Variants in GALNTL6 observed in about 807,000 individuals in gnomAD.
The protein encoded by GALNTL6 is polypeptide N-acetylgalactosaminyltransferase-like 6.
In GALNTL6, 46 loss-of-function variants were observed where a neutral mutation model predicts 73.7. The observed-to-expected ratio is 0.62, with a 90% CI of 0.49 to 0.80. GALNTL6 has a LOEUF of 0.80. GALNTL6 is among the 30% of genes least tolerant of loss of function. The pLI, the probability that GALNTL6 is intolerant of heterozygous loss-of-function variation, is 0.00. For synonymous variants in GALNTL6, 259 were observed against 263.7 expected, an observed-to-expected ratio of 0.98 and a Z score of 0.17; for missense variants, 604 against 755.0, an observed-to-expected ratio of 0.80 and a Z score of 2.34.
chr4:171,854,390 G>A (rs556291250), intron 2 of GALNTL6, among the ~76,000 whole-genome samples: 8 of 152,258 alleles, frequency 5.3e-5, no homozygotes, highest in African/African-American at 1.9e-4. Context: ...CATGAGAAAC[G>A]GCTGCACCAG....
chr4:171,968,562 GC>G (rs1360245908), intron 2 of GALNTL6, among the ~76,000 whole-genome samples: 3 of 152,064 alleles, frequency 2.0e-5, no homozygotes, highest in Non-Finnish European at 4.4e-5. Flanking sequence ...TATTACATCT[GC>G]AAAGACCCTA....
intron 3 of GALNTL6, among the ~76,000 whole-genome samples, chr4:172,239,478 CT>C (rs1443905980): frequency 1.3e-5 from 2 of 152,072 alleles, no homozygotes; most frequent in East Asian, 1.9e-4. Flanking sequence ...TGGATATTCT[CT>C]TTTTTTCTTT....
At chr4:172,381,337 T>C (rs1342915017) in intron 5 of GALNTL6, among the ~76,000 whole-genome samples, 1 of 152,162 alleles carries the variant, frequency 6.6e-6, no homozygotes, top group Non-Finnish European at 1.5e-5. Flanking sequence ...AGAATATTGA[T>C]GGAATTGTGC....
chr4:172,019,153 G>C (rs1276102895), intron 2 of GALNTL6, among the ~76,000 whole-genome samples: 1 of 152,032 alleles, frequency 6.6e-6, no homozygotes, highest in Non-Finnish European at 1.5e-5. Flanking sequence ...TGTTTTCCCG[G>C]TACACTCCTG....
intron 8 of GALNTL6, among the ~76,000 whole-genome samples, chr4:172,892,902 G>C (rs1746115823): frequency 6.6e-6 from 1 of 152,154 alleles, no homozygotes; most frequent in Non-Finnish European, 1.5e-5. Context: ...ACAATTATTT[G>C]GGGACCTACT....
intron 2 of GALNTL6, among the ~76,000 whole-genome samples, chr4:171,929,639 C>G (rs1738112374): frequency 6.6e-6 from 1 of 152,224 alleles, no homozygotes; most frequent in South Asian, 2.1e-4. Context: ...CCTGGCTTGG[C>G]AGCCAATCTG....
intron 7 of GALNTL6, among the ~76,000 whole-genome samples, chr4:172,814,774 T>TA (rs1418590910): frequency 6.6e-6 from 1 of 152,132 alleles, no homozygotes; most frequent in African/African-American, 2.4e-5. Flanking sequence ...TTCCTACACT[T>TA]CTAGTCTTTA....
chr4:172,526,047 C>T (rs942132503), intron 5 of GALNTL6, among the ~76,000 whole-genome samples: 1 of 152,092 alleles, frequency 6.6e-6, no homozygotes, highest in East Asian at 1.9e-4. Context: ...TGAAGTTTAC[C>T]TTAATGGTCT....
chr4:172,295,433 A>AG (rs1739634174), intron 3 of GALNTL6, among the ~76,000 whole-genome samples: 1 of 150,186 alleles, frequency 6.7e-6, no homozygotes, highest in Admixed American at 6.7e-5. Flanking sequence ...GAAAAAAAAA[A>AG]AGTGCCACAA....
chr4:172,837,196 G>C (rs1742955993), intron 7 of GALNTL6, among the ~76,000 whole-genome samples: 1 of 152,018 alleles, frequency 6.6e-6, no homozygotes, highest in Admixed American at 6.6e-5. Flanking sequence ...CCCTAATTCT[G>C]GTTTTGCCAG....
At chr4:172,570,669 G>T (rs1736727133) in intron 5 of GALNTL6, among the ~76,000 whole-genome samples, 1 of 152,158 alleles carries the variant, frequency 6.6e-6, no homozygotes, top group African/African-American at 2.4e-5. Flanking sequence ...CTTTTTCACA[G>T]ACCAGTGGTG....
chr4:171,835,024 T>C (rs1252081009), intron 2 of GALNTL6, among the ~76,000 whole-genome samples: 5 of 151,972 alleles, frequency 3.3e-5, no homozygotes, highest in African/African-American at 1.2e-4. Context: ...TTACCACTTA[T>C]TGACAGACAA....
rs146857372 is a variant in GALNTL6, at chr4:171,971,452, C to T, written c.138+156734C>T. The stretch of plus-strand genomic sequence containing the variant: ...ATATATTTTGAATTTATAATTGGGA[C>T]ATTTAGGACAGGGAGAAGATTCCTT... On this transcript the variant is annotated intron_variant, in intron 2 of 12. Coordinates refer to ENST00000506823, the MANE Select transcript of GALNTL6 (RefSeq NM_001034845.3). 8.2e-4 allele frequency among the ~76,000 whole-genome samples: 125 copies of T among 152,232 alleles called. 1 individual carries two copies. The highest frequency in any genetic ancestry group is 3.0e-3 in the African/African-American group (123 of 41,538).
chr4:171,823,554 T>A (rs929790013), intron 2 of GALNTL6, among the ~76,000 whole-genome samples: 2 of 138,346 alleles, frequency 1.4e-5, no homozygotes. Flanking sequence ...CTATAAACTG[T>A]GAATATATAT....
rs837188 is a variant in GALNTL6, at chr4:172,616,183, T to C, written c.554-193178T>C. 7.8e-3 allele frequency among the ~76,000 whole-genome samples: 1,185 copies of C among 152,302 alleles called. 15 individuals are homozygous for C. Among genetic ancestry groups the C allele is most frequent in the African/African-American group, 0.027 (1,139 of 41,580 alleles). On this transcript the variant is annotated intron_variant, in intron 5 of 12. Transcript: ENST00000506823. Reference sequence around the variant, plus strand: ...TAAGAGAGAGCACAATGGATCTCATTTGAAAAGTTAACATTTCAAAAATGA... The same window carrying C: ...TAAGAGAGAGCACAATGGATCTCATCTGAAAAGTTAACATTTCAAAAATGA...
chr4:172,329,113 T>G lies in GALNTL6; in HGVS notation c.386+17361T>G, dbSNP rs1041240506. Among the ~76,000 whole-genome samples the G allele has an allele frequency of 8.5e-5, 13 of 152,258 alleles. No homozygotes were observed. The East Asian group carries it at 2.3e-3, about 27-fold the overall frequency. On this transcript the variant is annotated intron_variant, in intron 4 of 12. Transcript: ENST00000506823. The stretch of plus-strand genomic sequence containing the variant: ...ACCTACATGGAGAACAGTCTGTCCA[T>G]TTTTTCTTGAGGTGGGTGCTCTGTG...
chr4:171,833,693 G>C (rs1477305305), intron 2 of GALNTL6, among the ~76,000 whole-genome samples: 1 of 151,738 alleles, frequency 6.6e-6, no homozygotes, highest in African/African-American at 2.4e-5. Flanking sequence ...TTTCTGTATT[G>C]TTAAATTAGC....
chr4:171,923,607 C>T (rs1428484011), intron 2 of GALNTL6, among the ~76,000 whole-genome samples: 4 of 150,012 alleles, frequency 2.7e-5, no homozygotes, highest in Non-Finnish European at 5.9e-5. Context: ...AGGGTTTCAC[C>T]GTGTTAGCCA....
chr4:172,343,520 T>C (rs1741641194), intron 4 of GALNTL6, among the ~76,000 whole-genome samples: 1 of 152,140 alleles, frequency 6.6e-6, no homozygotes, highest in Admixed American at 6.6e-5. Context: ...CCTTTTTTAT[T>C]GTTGAAAAAA....
Sources: allele counts gnomAD v4.1 joint callset (sites outside exome capture counted in the v4.1 genomes callset), GRCh38; gene constraint gnomAD v4.1.1; transcripts MANE v1.5; gene names NCBI Gene and HGNC (gene_info 2026-07-23, HGNC 2026-07-21).